GPR158: variants seen among roughly 807,000 people sequenced by gnomAD.
GPR158 encodes metabotropic glycine receptor.
GPR158 carries 30 observed loss-of-function variants against 78.2 expected under a neutral mutation model. The ratio of observed to expected loss-of-function variants is 0.38; its 90% CI spans 0.29 to 0.52. The LOEUF (loss-of-function observed/expected upper bound fraction) is 0.52, where lower values mean the gene tolerates loss of function less well. GPR158 is among the 20% of genes least tolerant of loss of function. The probability of loss-of-function intolerance (pLI) is 0.83; values close to 1 mark genes in which losing one functional copy is unlikely to be tolerated. For missense variants in GPR158, 1,463 were observed against 1,523.5 expected (o/e 0.96, Z 0.66); for synonymous variants, 581 against 591.1 (o/e 0.98, Z 0.25).
At chr10:25,357,296 T>G (rs1294404429) in intron 2 of GPR158, among the ~76,000 whole-genome samples, 1 of 152,130 alleles carries the variant, frequency 6.6e-6, no homozygotes, top group African/African-American at 2.4e-5. Flanking sequence ...ATCCATTTTC[T>G]GAGGAGAAAT....
intron 2 of GPR158, among the ~76,000 whole-genome samples, chr10:25,376,686 T>C (rs1487946552): frequency 6.6e-6 from 1 of 151,722 alleles, no homozygotes; most frequent in Non-Finnish European, 1.5e-5. Context: ...GGTCTGCTGC[T>C]AAAAAGTTAT....
intron 2 of GPR158, among the ~76,000 whole-genome samples, chr10:25,357,289 C>A (rs1855567367): frequency 6.6e-6 from 1 of 152,072 alleles, no homozygotes; most frequent in Non-Finnish European, 1.5e-5. Flanking sequence ...AAAGAAAATC[C>A]ATTTTCTGAG....
intron 5 of GPR158, among the ~76,000 whole-genome samples, chr10:25,521,065 T>C (rs1406658356): frequency 1.3e-5 from 2 of 152,160 alleles, no homozygotes. Flanking sequence ...TATAGTCTCG[T>C]GGTGCGCCAT....
chr10:25,554,346 C>T (rs776199882), intron 6 of GPR158, among the ~76,000 whole-genome samples: 2 of 152,092 alleles, frequency 1.3e-5, no homozygotes, highest in Non-Finnish European at 2.9e-5. Flanking sequence ...GGATAGGACA[C>T]GCAATAAAGA....
At chr10:25,512,227 T>A (rs1266121298) in intron 5 of GPR158, among the ~76,000 whole-genome samples, 2 of 152,182 alleles carry the variant, frequency 1.3e-5, no homozygotes, top group Non-Finnish European at 2.9e-5. Context: ...GTTTTGTGGT[T>A]TTCCTTGTAG....
intron 9 of GPR158, among the ~76,000 whole-genome samples, chr10:25,595,024 GTTTT>G (rs5783945): frequency 6.6e-6 from 1 of 151,682 alleles, no homozygotes; most frequent in Non-Finnish European, 1.5e-5. Context: ...TGATATTGGA[GTTTT>G]TTTTCTCTGG....
chr10:25,443,416 A>G (rs1365664487), intron 4 of GPR158, among the ~76,000 whole-genome samples: 1 of 152,012 alleles, frequency 6.6e-6, no homozygotes, highest in Non-Finnish European at 1.5e-5. Flanking sequence ...TTAGCCAGGC[A>G]TGGTAGCACC....
At chr10:25,583,091 C>T (rs542978107) in intron 7 of GPR158, among the ~76,000 whole-genome samples, 3 of 152,270 alleles carry the variant, frequency 2.0e-5, no homozygotes, top group Admixed American at 6.5e-5. Flanking sequence ...AGCTGGAGAA[C>T]GGAGGTTCTC....
intron 2 of GPR158, among the ~76,000 whole-genome samples, chr10:25,297,181 G>A (rs1203293329): frequency 6.6e-6 from 1 of 152,166 alleles, no homozygotes; most frequent in Admixed American, 6.5e-5. Context: ...AGAGTTCAAA[G>A]ATATAAATTC....
chr10:25,583,200 C>T lies in GPR158; in HGVS notation c.1754-5807C>T, dbSNP rs185239623. On this transcript the variant is annotated intron_variant, in intron 7 of 10. Coordinates refer to ENST00000376351, the MANE Select transcript of GPR158 (RefSeq NM_020752.3). ...TCCATTGTCCTAGTTGTGAAATGCACTGTAACTTGCAACGTCTTCTGTATC... is the reference window on the plus strand; with the variant it reads ...TCCATTGTCCTAGTTGTGAAATGCATTGTAACTTGCAACGTCTTCTGTATC... Among the ~76,000 whole-genome samples the T allele has an allele frequency of 1.2e-3, 185 of 152,252 alleles. 1 individual carries two copies. Among genetic ancestry groups the T allele is most frequent in the African/African-American group, 3.9e-3 (160 of 41,550 alleles).
rs774173640 is a variant in GPR158, at chr10:25,587,003, T to C, written c.1754-2004T>C. On this transcript the variant is annotated intron_variant, in intron 7 of 10. Transcript: ENST00000376351. ...AGCTGGGAGATCAGTCTCAATTCCG[T>C]CTTGCTGACCGACTAAAATTAGAGG... Among the ~76,000 whole-genome samples, 5 of 152,156 alleles carry C rather than the reference T, an allele frequency of 3.3e-5. No homozygotes were observed. The East Asian group carries it at 9.6e-4, about 29-fold the overall frequency.
intron 5 of GPR158, among the ~76,000 whole-genome samples, chr10:25,471,788 C>T (rs183429140): frequency 0.017 from 2,598 of 152,200 alleles, 77 homozygotes; most frequent in African/African-American, 0.059. Context: ...TCATATCCTT[C>T]GCCCACTTTT....
chr10:25,572,941 A>G lies in GPR158; in HGVS notation c.1753+54A>G, dbSNP rs1238952424. On this transcript the variant is annotated intron_variant, in intron 7 of 10. Transcript: ENST00000376351. ...TCTTACCATTTTTCAGTAGCATTAC[A>G]ACTGACTTCTTTAAAAGTCTTGCCA... The G allele has an allele frequency of 2.9e-6, 3 of 1,022,250 alleles. No homozygotes were observed. The African/African-American group carries it at 4.7e-5, about 16-fold the overall frequency. 63.3% of individuals were successfully genotyped at this position (1,022,250 alleles called of 1,614,324 possible).
chr10:25,279,163 A>ACTGCTGATG (rs111572034), intron 2 of GPR158, among the ~76,000 whole-genome samples: 2 of 152,154 alleles, frequency 1.3e-5, no homozygotes, highest in Non-Finnish European at 2.9e-5. Context: ...TGCTGCTGCT[A>ACTGCTGATG]CTGCTGATGC....
chr10:25,349,721 G>A (rs896358044), intron 2 of GPR158, among the ~76,000 whole-genome samples: 5 of 146,386 alleles, frequency 3.4e-5, no homozygotes, highest in South Asian at 2.1e-4. Flanking sequence ...CATATATTAC[G>A]CAATTTCAGG....
At chr10:25,366,434 T>A (rs930178850) in intron 2 of GPR158, among the ~76,000 whole-genome samples, 1 of 151,720 alleles carries the variant, frequency 6.6e-6, no homozygotes, top group African/African-American at 2.4e-5. Flanking sequence ...TTTTAGTTTT[T>A]AAACTTTAAC....
At chr10:25,253,456 A>G (rs994959613) in intron 2 of GPR158, among the ~76,000 whole-genome samples, 2 of 152,206 alleles carry the variant, frequency 1.3e-5, no homozygotes, top group African/African-American at 2.4e-5. Context: ...TCAACCTCAG[A>G]TACATGAAAA....
chr10:25,195,153 TAAAA>T, intron 1 of GPR158, among the ~76,000 whole-genome samples: 1 of 145,574 alleles, frequency 6.9e-6, no homozygotes, highest in South Asian at 2.2e-4. Flanking sequence ...TTTATTATGT[TAAAA>T]AAAAAAACCC....
intron 2 of GPR158, among the ~76,000 whole-genome samples, chr10:25,256,463 G>A (rs1853889197): frequency 1.3e-5 from 2 of 152,038 alleles, no homozygotes; most frequent in Admixed American, 6.6e-5. Flanking sequence ...ACCAACCTGG[G>A]TAACATAGTA....
Sources: allele counts gnomAD v4.1 joint callset (sites outside exome capture counted in the v4.1 genomes callset), GRCh38; gene constraint gnomAD v4.1.1; transcripts MANE v1.5; gene names NCBI Gene and HGNC (gene_info 2026-07-23, HGNC 2026-07-21).